SMC1B: variants seen among roughly 807,000 people sequenced by gnomAD.
SMC1B encodes the protein structural maintenance of chromosomes 1B, also known as structural maintenance of chromosomes protein 1B.
In SMC1B, 60 loss-of-function variants were observed where a neutral mutation model predicts 157.9. That is an observed-to-expected ratio of 0.38 (90% CI 0.31 to 0.47). The LOEUF (loss-of-function observed/expected upper bound fraction) is 0.47. Among genes scored for constraint, SMC1B ranks in the 20% least tolerant of loss-of-function variants. SMC1B has a pLI of 0.99. For missense variants in SMC1B, 1,165 were observed against 1,426.2 expected (o/e 0.82, Z 2.95); for synonymous variants, 445 against 483.0 (o/e 0.92, Z 1.03).
intron 11 of SMC1B, among the ~76,000 whole-genome samples, chr22:45,384,053 AAAGTGT>A (rs1408061128): frequency 6.6e-6 from 1 of 152,222 alleles, no homozygotes; most frequent in Non-Finnish European, 1.5e-5. Flanking sequence ...CTTTCCCCAT[AAAGTGT>A]TACTAAACAT....
intron 1 of SMC1B, among the ~76,000 whole-genome samples, chr22:45,410,190 T>C (rs78184839): frequency 0.043 from 6,486 of 152,314 alleles, 235 homozygotes; most frequent in Middle Eastern, 0.061. Flanking sequence ...TAAATAATAG[T>C]ATTGAGTCAA....
Position 45,369,951 on chromosome 22 carries a change from T to C in SMC1B, c.2420+3A>G. The C allele has an allele frequency of 6.7e-7, 1 of 1,500,950 alleles. No homozygotes were observed. The highest frequency in any genetic ancestry group is 9.2e-7 in the Non-Finnish European group (1 of 1,091,374). The allele number at this position is 1,500,950 out of a possible 1,614,324, so 93.0% of individuals were successfully genotyped here. ...CCTTACCAACATCTTTTTATAAAAATACCTTTTTTGATCAATTTCTTGTTG... is the reference window on the plus strand; with the variant it reads ...CCTTACCAACATCTTTTTATAAAAACACCTTTTTTGATCAATTTCTTGTTG... On this transcript the variant is annotated splice_donor_region_variant and intron_variant, in intron 15 of 24. Coordinates refer to ENST00000357450, the MANE Select transcript of SMC1B (RefSeq NM_148674.5).
chr22:45,402,309 TA>T, intron 5 of SMC1B, 23 bp downstream of exon 5: 1 of 1,502,332 alleles, frequency 6.7e-7, no homozygotes, highest in South Asian at 1.2e-5. Flanking sequence ...ACCCAACTGT[TA>T]ATATCTACTT....
chr22:45,371,670 G>A (rs2146795480), intron 13 of SMC1B, 83 bp from the exon 14 acceptor site: 1 of 1,451,788 alleles, frequency 6.9e-7, no homozygotes, highest in South Asian at 1.3e-5. Flanking sequence ...GGTATCTTTT[G>A]GAATAAAAGA....
In SMC1B at chr22:45,383,548, TA is replaced by T; in HGVS notation, c.1976del (p.Leu659Ter). On this transcript the variant is annotated frameshift_variant, in exon 12 of 25. Coordinates refer to ENST00000357450, the MANE Select transcript of SMC1B (RefSeq NM_148674.5). LOFTEE classifies it high-confidence loss of function. ...CATCCCAGCATCTAGCCTTGTATTT[TA>T]AGTCACTTGACCCTCCAGAGATCAC... ...SGVISGGSSD[L>X]KYKARCWDEK... 6.2e-7 allele frequency: 1 copy of T among 1,610,914 alleles called. No individual in the cohort carries two copies.
chr22:45,356,689 C>T (rs1048134668), intron 19 of SMC1B, among the ~76,000 whole-genome samples: 2 of 151,336 alleles, frequency 1.3e-5, no homozygotes, highest in South Asian at 2.1e-4. Context: ...TATCTCCCCA[C>T]GGAGTTGCTA....
intron 12 of SMC1B, among the ~76,000 whole-genome samples, chr22:45,374,951 G>C (rs2086870603): frequency 6.6e-6 from 1 of 152,062 alleles, no homozygotes; most frequent in African/African-American, 2.4e-5. Context: ...TGAAACCTGA[G>C]ACCAGAGAAT....
At chr22:45,397,463 A>AC (rs1415531086) in intron 6 of SMC1B, among the ~76,000 whole-genome samples, 18 of 152,206 alleles carry the variant, frequency 1.2e-4, no homozygotes, top group Non-Finnish European at 2.9e-5. Flanking sequence ...AGCAGGAGAC[A>AC]GACAAATCCT....
intron 18 of SMC1B, among the ~76,000 whole-genome samples, chr22:45,359,315 G>GA (rs1168109630): frequency 1.3e-5 from 2 of 152,084 alleles, no homozygotes; most frequent in Non-Finnish European, 2.9e-5. Context: ...GAAAAAGAAA[G>GA]AAAAAAGGCC....
intron 1 of SMC1B, 107 bp downstream of exon 1, chr22:45,413,352 G>A (rs1056037666): frequency 2.1e-5 from 18 of 844,752 alleles, no homozygotes; most frequent in Non-Finnish European, 3.1e-5. Context: ...GGAAGGGGAA[G>A]GCCGGCCAGG....
At chr22:45,398,563 C>T (rs1391456035) in intron 6 of SMC1B, among the ~76,000 whole-genome samples, 1 of 152,206 alleles carries the variant, frequency 6.6e-6, no homozygotes. Flanking sequence ...GGCATGGTGG[C>T]TCACGCCTGT....
At chr22:45,393,597 G>GT (rs762038470) in intron 9 of SMC1B, 37 bp downstream of exon 9, 59 of 1,498,774 alleles carry the variant, frequency 3.9e-5, no homozygotes, top group Admixed American at 1.0e-4. Flanking sequence ...GGAAAGCTTA[G>GT]TTTTTTTTGT....
intron 6 of SMC1B, 109 bp from the exon 7 acceptor site, chr22:45,396,595 C>A: frequency 1.1e-6 from 1 of 873,398 alleles, no homozygotes. Context: ...CAAAAGCTTG[C>A]TTTATATAAA....
chr22:45,410,319 A>G (rs1466880353), intron 1 of SMC1B, among the ~76,000 whole-genome samples: 3 of 152,172 alleles, frequency 2.0e-5, no homozygotes, highest in Non-Finnish European at 4.4e-5. Context: ...ATTTTCTCTA[A>G]GACAATTTCC....
chr22:45,411,755 T>C (rs987914713), intron 1 of SMC1B, among the ~76,000 whole-genome samples: 10 of 152,122 alleles, frequency 6.6e-5, no homozygotes, highest in Non-Finnish European at 1.2e-4. Flanking sequence ...CCAGGCTTTT[T>C]TGTATTTTTA....
Position 45,383,559 on chromosome 22 carries a change from A to G in SMC1B, c.1966T>C (p.Ser656Pro). ...CTAGCCTTGTATTTTAAGTCACTTG[A>G]CCCTCCAGAGATCACTCCAGATTTT... ...FLKSGVISGG[S>P]SDLKYKARCW... The change falls in exon 12 of 25, where the codon TCA (serine) becomes CCA (proline). Residue 656 changes from serine to proline, a missense_variant. Transcript: ENST00000357450. 6.2e-7 allele frequency: 1 copy of G among 1,609,936 alleles called. No individual in the cohort carries two copies. Among genetic ancestry groups the G allele is most frequent in the Non-Finnish European group, 8.5e-7 (1 of 1,178,636 alleles).
intron 5 of SMC1B, 149 bp from the exon 6 acceptor site, chr22:45,399,502 G>T: frequency 1.4e-6 from 1 of 731,260 alleles, no homozygotes; most frequent in Non-Finnish European, 2.2e-6. Flanking sequence ...GCCAAAGGTT[G>T]AGCAAGGTCA....
chr22:45,409,021 A>T (rs190510888), intron 1 of SMC1B, 123 bp from the exon 2 acceptor site: 1 of 570,706 alleles, frequency 1.8e-6, no homozygotes, highest in Non-Finnish European at 3.1e-6. Context: ...TTTTTAATCA[A>T]TGTTCAAAAT....
chr22:45,410,316 C>T (rs2087317426), intron 1 of SMC1B, among the ~76,000 whole-genome samples: 1 of 152,190 alleles, frequency 6.6e-6, no homozygotes, highest in Admixed American at 6.5e-5. Flanking sequence ...ATAATTTTCT[C>T]TAAGACAATT....
Sources: gnomAD v4.1 joint callset for allele counts (sites outside exome capture counted in the v4.1 genomes callset) on GRCh38, gnomAD v4.1.1 for gene constraint, MANE v1.5 for transcripts, NCBI Gene and HGNC (gene_info 2026-07-23, HGNC 2026-07-21) for gene names.